C6orf62: variants seen among roughly 807,000 people sequenced by gnomAD.
The protein encoded by C6orf62 is uncharacterized protein C6orf62.
A neutral mutation model predicts 26.8 loss-of-function variants in C6orf62; 16 were observed. That is an observed-to-expected ratio of 0.60 (90% CI 0.40 to 0.91). The LOEUF is 0.91. Among genes scored for constraint, C6orf62 ranks in the 40% least tolerant of loss-of-function variants. The pLI is 0.00. For synonymous variants in C6orf62, 112 were observed against 91.5 expected, an observed-to-expected ratio of 1.22 and a Z score of -1.28; for missense variants, 192 against 271.4, an observed-to-expected ratio of 0.71 and a Z score of 2.06.
rs754918681 is a variant in C6orf62 at position 24,718,511 on chromosome 6, C to T, written c.129+29G>A. 21 of 1,565,264 alleles carry T rather than the reference C, an allele frequency of 1.3e-5. No individual in the cohort carries two copies. In the African/African-American group the frequency reaches 2.6e-4, roughly 19 times the overall value. The stretch of plus-strand genomic sequence containing the variant: ...TATACACTTACAAAAATTACTTGTG[C>T]TAATTCACCATTAAGAACTTTAAAT... On this transcript the variant is annotated intron_variant, in intron 1 of 4. Coordinates refer to ENST00000378119, the MANE Select transcript of C6orf62 (RefSeq NM_030939.5).
rs199572171 is a variant in C6orf62, at chr6:24,714,453, T to TAAA, written c.307-16_307-14dup. 72 of 1,360,208 alleles carry TAAA rather than the reference T, an allele frequency of 5.3e-5. No individual in the cohort carries two copies. The highest frequency in any genetic ancestry group is 1.2e-4 in the Admixed American group (5 of 40,986). The allele number at this position is 1,360,208 out of a possible 1,614,324, so 84.3% of individuals were successfully genotyped here. Reference sequence around the variant, plus strand: ...AGCCAATTACATCCTATAAAATGATTAAAAAAAAAAAAGTTTACTTTTAAA... The same window carrying TAAA: ...AGCCAATTACATCCTATAAAATGATTAAAAAAAAAAAAAAAGTTTACTTTTAAA... On this transcript the variant is annotated splice_polypyrimidine_tract_variant and intron_variant, in intron 2 of 4. Coordinates refer to ENST00000378119, the MANE Select transcript of C6orf62 (RefSeq NM_030939.5).
intron 2 of C6orf62, 110 bp downstream of exon 2, chr6:24,716,038 G>A (rs1037440437): frequency 7.8e-6 from 6 of 765,338 alleles, no homozygotes; most frequent in African/African-American, 3.6e-5. Context: ...TTTACCTGAA[G>A]AGACTGGTCA....
chr6:24,719,756 G>A (rs913955420), upstream of C6orf62: 4 of 1,542,584 alleles, frequency 2.6e-6, no homozygotes, highest in Non-Finnish European at 3.5e-6. Flanking sequence ...CGAGGCAAAG[G>A]TGGCGGGTTC....
At chr6:24,708,230 C>A (rs1779050225) in intron 4 of C6orf62, among the ~76,000 whole-genome samples, 1 of 142,298 alleles carries the variant, frequency 7.0e-6, no homozygotes, top group East Asian at 2.0e-4. Flanking sequence ...TTAAAAGCTT[C>A]GAAGGAGGTG....
At chr6:24,719,681 T>G, upstream of C6orf62, 3 of 1,472,570 alleles carry the variant, frequency 2.0e-6, no homozygotes, top group Non-Finnish European at 2.7e-6. Flanking sequence ...CAAGGGAGAC[T>G]TCCCTGTGGA....
rs192418794 is a variant in C6orf62 at position 24,712,256 on chromosome 6, C to T, written c.429+2062G>A. 9.2e-5 allele frequency among the ~76,000 whole-genome samples: 14 copies of T among 152,178 alleles called. No individual in the cohort carries two copies. The East Asian group carries it at 1.2e-3, about 13-fold the overall frequency. On this transcript the variant is annotated intron_variant, in intron 3 of 4. Coordinates refer to ENST00000378119, the MANE Select transcript of C6orf62 (RefSeq NM_030939.5). ...AATTAGCTGGGTGTCATAGCATGCG[C>T]CTATAATCCCAGCTACTCAAGAGGC...
intron 3 of C6orf62, chr6:24,710,484 A>G (rs1444599238): frequency 1.6e-6 from 1 of 627,106 alleles, no homozygotes; most frequent in Non-Finnish European, 2.0e-6. Flanking sequence ...GGATGGTCTC[A>G]AACTCCCGAC....
Position 24,705,956 on chromosome 6 carries a change from T to C in C6orf62, c.*181A>G. On this transcript the variant is annotated 3_prime_UTR_variant, in exon 5 of 5. Coordinates refer to ENST00000378119, the MANE Select transcript of C6orf62 (RefSeq NM_030939.5). ...CACAGTCCGTGCACGACATCTAATT[T>C]TTGTTTAAGTTCTGAGATAAAAATG... 1 of 868,418 alleles carries C rather than the reference T, an allele frequency of 1.2e-6. No homozygotes were observed. Among genetic ancestry groups the C allele is most frequent in the African/African-American group, 1.7e-5 (1 of 59,290 alleles). The allele number at this position is 868,418 out of a possible 1,614,324, so 53.8% of individuals were successfully genotyped here. A position where few individuals can be genotyped will look rare whatever the true frequency, so the allele number is the denominator to read the frequency against.
chr6:24,719,438 C>T, upstream of C6orf62: 1 of 1,076,330 alleles, frequency 9.3e-7, no homozygotes, highest in Non-Finnish European at 1.1e-6. Flanking sequence ...ATACCGGGGG[C>T]GGGCAGCTGT....
chr6:24,719,755 G>T, upstream of C6orf62: 1 of 1,542,572 alleles, frequency 6.5e-7, no homozygotes. Context: ...CCGAGGCAAA[G>T]GTGGCGGGTT....
intron 1 of C6orf62, among the ~76,000 whole-genome samples, chr6:24,716,977 C>A (rs976848868): frequency 2.6e-5 from 4 of 152,188 alleles, no homozygotes; most frequent in African/African-American, 9.7e-5. Flanking sequence ...CCTGCCTCAG[C>A]CTCCCAAAGT....
intron 3 of C6orf62, among the ~76,000 whole-genome samples, chr6:24,711,503 T>C (rs1403035083): frequency 6.6e-6 from 1 of 152,114 alleles, no homozygotes; most frequent in East Asian, 1.9e-4. Context: ...GGTTTTACAG[T>C]GCTTCAAAAG....
At chr6:24,715,762 C>T (rs1581399024) in intron 2 of C6orf62, among the ~76,000 whole-genome samples, 1 of 144,686 alleles carries the variant, frequency 6.9e-6, no homozygotes, top group East Asian at 2.3e-4. Context: ...GCAGGAGAAT[C>T]ATTTGAATGC....
chr6:24,713,499 TC>T (rs1186299528), intron 3 of C6orf62, among the ~76,000 whole-genome samples: 5 of 152,092 alleles, frequency 3.3e-5, no homozygotes, highest in African/African-American at 1.2e-4. Flanking sequence ...TGACAAATAA[TC>T]CTCACAATTA....
chr6:24,710,251 A>G (rs1162933471), intron 3 of C6orf62: 6 of 983,976 alleles, frequency 6.1e-6, no homozygotes, highest in Non-Finnish European at 7.2e-6. Flanking sequence ...AGATGTGGTT[A>G]TCTGTAAAAC....
chr6:24,720,243 T>A, upstream of C6orf62: 3 of 1,297,596 alleles, frequency 2.3e-6, no homozygotes, highest in African/African-American at 1.5e-5. Context: ...GTTTGGGCCC[T>A]CTAGCCGCAG....
At chr6:24,710,556 G>C (rs1368538178) in intron 3 of C6orf62, 5 of 983,078 alleles carry the variant, frequency 5.1e-6, no homozygotes, top group Non-Finnish European at 6.0e-6. Context: ...GAGCAACCGC[G>C]CCCGGCCCAA....
At chr6:24,720,319 G>T, upstream of C6orf62, 2 of 1,293,094 alleles carry the variant, frequency 1.5e-6, no homozygotes, top group Non-Finnish European at 2.0e-6. Context: ...TGGTAGCACG[G>T]GCAGGAGCCA....
chr6:24,715,072 AAATC>A (rs1418566373), intron 2 of C6orf62, among the ~76,000 whole-genome samples: 1 of 152,218 alleles, frequency 6.6e-6, no homozygotes, highest in African/African-American at 2.4e-5. Flanking sequence ...CCACCTTTAA[AAATC>A]AATCTATTTA....
Sources: allele counts gnomAD v4.1 joint callset (sites outside exome capture counted in the v4.1 genomes callset), GRCh38; gene constraint gnomAD v4.1.1; transcripts MANE v1.5; gene names NCBI Gene and HGNC (gene_info 2026-07-23, HGNC 2026-07-21).